The following STK3 variants were observed in gnomAD, a reference collection of about 807,000 sequenced individuals.
The protein encoded by STK3 is serine/threonine-protein kinase 3.
A neutral mutation model predicts 58.0 loss-of-function variants in STK3; 41 were observed. The ratio of observed to expected loss-of-function variants is 0.71; its 90% CI spans 0.55 to 0.92. The LOEUF is 0.92. Ranked by LOEUF, STK3 falls within the 40% of genes least tolerant of loss-of-function variation. The probability of loss-of-function intolerance (pLI) is 0.00; values close to 1 mark genes in which losing one functional copy is unlikely to be tolerated. For missense variants in STK3, 479 were observed against 602.7 expected, an observed-to-expected ratio of 0.79 and a Z score of 2.15; for synonymous variants, 170 against 191.0, an observed-to-expected ratio of 0.89 and a Z score of 0.91.
chr8:98,649,397 T>A (rs1189780183), intron 6 of STK3, among the ~76,000 whole-genome samples: 1 of 152,202 alleles, frequency 6.6e-6, no homozygotes, highest in Non-Finnish European at 1.5e-5. Context: ...TTTCCTATGT[T>A]GGTTAGAAAC....
upstream of STK3, chr8:98,825,815 GCCGCCCCGCCCCGCCC>G (rs1564039907): frequency 1.6e-5 from 1 of 63,256 alleles, no homozygotes; most frequent in African/African-American, 6.2e-5. Context: ...CCCGCCCCCG[GCCGCCCCGCCCCGCCC>G]CCGGCCGCCC....
At chr8:98,627,290 T>C (rs1818791232) in intron 6 of STK3, among the ~76,000 whole-genome samples, 1 of 151,406 alleles carries the variant, frequency 6.6e-6, no homozygotes, top group South Asian at 2.1e-4. Flanking sequence ...GAGACAGGTG[T>C]ATCACTTGAG....
At chr8:98,612,439 A>T (rs1359207907) in intron 6 of STK3, among the ~76,000 whole-genome samples, 4 of 149,584 alleles carry the variant, frequency 2.7e-5, no homozygotes, top group Admixed American at 6.7e-5. Flanking sequence ...CATATATATC[A>T]ATTCTATATA....
intron 4 of STK3, among the ~76,000 whole-genome samples, chr8:98,738,870 A>T (rs1828887731): frequency 6.6e-6 from 1 of 152,202 alleles, no homozygotes; most frequent in African/African-American, 2.4e-5. Flanking sequence ...CACCTGGAAA[A>T]TCGGGTCACT....
At chr8:98,791,630 C>A (rs1303739036) in intron 1 of STK3, among the ~76,000 whole-genome samples, 2 of 152,096 alleles carry the variant, frequency 1.3e-5, no homozygotes, top group Admixed American at 6.5e-5. Flanking sequence ...GGCACATGGA[C>A]CAATGGAACA....
intron 3 of STK3, chr8:98,426,919 C>G (rs1271602509): frequency 2.0e-5 from 3 of 152,198 alleles, no homozygotes; most frequent in Non-Finnish European, 4.4e-5. Context: ...CTTCCGAGCC[C>G]GGGCGGCGGC....
At chr8:98,454,552 T>G (rs1482451794), downstream of STK3, 2 of 152,362 alleles carry the variant, frequency 1.3e-5, no homozygotes, top group African/African-American at 2.4e-5. Flanking sequence ...TAATCTAGCC[T>G]GTCCTAACTA....
At chr8:98,916,948 G>T (rs890453717) in intron 1 of STK3, among the ~76,000 whole-genome samples, 2 of 152,212 alleles carry the variant, frequency 1.3e-5, no homozygotes, top group Non-Finnish European at 2.9e-5. Flanking sequence ...CAATGGGAAA[G>T]AGCCAATCAT....
intron 3 of STK3, among the ~76,000 whole-genome samples, chr8:98,869,630 G>C (rs1837292738): frequency 6.6e-6 from 1 of 152,180 alleles, no homozygotes; most frequent in Non-Finnish European, 1.5e-5. Flanking sequence ...GCCCCCGAAA[G>C]CTGGGAGAGG....
At chr8:98,913,364 C>G (rs1354788527) in intron 1 of STK3, among the ~76,000 whole-genome samples, 1 of 152,228 alleles carries the variant, frequency 6.6e-6, no homozygotes, top group Non-Finnish European at 1.5e-5. Context: ...GAAATAAAAA[C>G]TTCTATAAAA....
chr8:98,793,237 C>G (rs1439312034), intron 1 of STK3, among the ~76,000 whole-genome samples: 1 of 152,070 alleles, frequency 6.6e-6, no homozygotes, highest in East Asian at 1.9e-4. Flanking sequence ...GTATACTGCT[C>G]AGGTGATGGG....
At chr8:98,759,014 A>G (rs1321237364) in intron 3 of STK3, among the ~76,000 whole-genome samples, 1 of 152,208 alleles carries the variant, frequency 6.6e-6, no homozygotes, top group Admixed American at 6.5e-5. Flanking sequence ...ACTTCTATCC[A>G]GACCACTCAA....
intron 3 of STK3, among the ~76,000 whole-genome samples, chr8:98,847,489 G>C (rs903435879): frequency 5.9e-5 from 9 of 152,244 alleles, no homozygotes; most frequent in Admixed American, 2.0e-4. Context: ...CCTTGATGCT[G>C]TGCCCATACG....
chr8:98,408,925 T>C (rs1818026572), intron 3 of STK3, among the ~76,000 whole-genome samples: 1 of 152,226 alleles, frequency 6.6e-6, no homozygotes, highest in Non-Finnish European at 1.5e-5. Context: ...TCTCCTACCA[T>C]GTGACCCAAT....
intron 4 of STK3, among the ~76,000 whole-genome samples, chr8:98,722,319 T>C (rs1309954048): frequency 2.0e-5 from 3 of 152,212 alleles, no homozygotes; most frequent in Non-Finnish European, 4.4e-5. Flanking sequence ...ATTTGGAAGA[T>C]AAATGTTTAC....
chr8:98,901,649 G>A (rs1838660520), intron 1 of STK3, among the ~76,000 whole-genome samples: 1 of 152,228 alleles, frequency 6.6e-6, no homozygotes, highest in Non-Finnish European at 1.5e-5. Context: ...TGTGGGCTGT[G>A]CCCACCTGCT....
chr8:98,760,274 C>T (rs1044417964), intron 3 of STK3, among the ~76,000 whole-genome samples: 5 of 151,968 alleles, frequency 3.3e-5, no homozygotes, highest in African/African-American at 1.2e-4. Flanking sequence ...CCCAAGTAAC[C>T]GCAACTATAA....
chr8:98,743,316 A>G (rs2131325140), intron 4 of STK3, among the ~76,000 whole-genome samples: 1 of 152,044 alleles, frequency 6.6e-6, no homozygotes. Flanking sequence ...GAGGCATCAT[A>G]CTACCTGACT....
intron 4 of STK3, among the ~76,000 whole-genome samples, chr8:98,720,207 T>G (rs1827297010): frequency 6.6e-6 from 1 of 152,246 alleles, no homozygotes; most frequent in Admixed American, 6.5e-5. Flanking sequence ...TACTGTTGTC[T>G]TAAATTTTTA....
Sources: allele counts gnomAD v4.1 joint callset (sites outside exome capture counted in the v4.1 genomes callset), GRCh38; gene constraint gnomAD v4.1.1; transcripts MANE v1.5; gene names NCBI Gene and HGNC (gene_info 2026-07-23, HGNC 2026-07-21).